Variants in RAB3IP observed in about 807,000 individuals in gnomAD.
The protein encoded by RAB3IP is rab-3A-interacting protein.
A neutral mutation model predicts 59.1 loss-of-function variants in RAB3IP; 36 were observed. The ratio of observed to expected loss-of-function variants is 0.61; its 90% CI spans 0.47 to 0.80. The LOEUF (loss-of-function observed/expected upper bound fraction) is 0.80, where lower values mean the gene tolerates loss of function less well. Among genes scored for constraint, RAB3IP ranks in the 30% least tolerant of loss-of-function variants. The pLI is 0.00. For missense variants in RAB3IP, 511 were observed against 536.0 expected (o/e 0.95, Z 0.46); for synonymous variants, 207 against 191.2 (o/e 1.08, Z -0.68).
chr12:69,789,651 A>G (rs1308278592), intron 4 of RAB3IP, among the ~76,000 whole-genome samples: 1 of 152,154 alleles, frequency 6.6e-6, no homozygotes, highest in African/African-American at 2.4e-5. Context: ...CTATGGGCCA[A>G]TATTCTCAAT....
chr12:69,802,892 A>G (rs1411925008), intron 8 of RAB3IP, among the ~76,000 whole-genome samples: 1 of 152,192 alleles, frequency 6.6e-6, no homozygotes, highest in Non-Finnish European at 1.5e-5. Flanking sequence ...CCCTCAAGCC[A>G]CACGTGTAGC....
chr12:69,804,248 A>C (rs886167998), intron 8 of RAB3IP, among the ~76,000 whole-genome samples: 1 of 152,252 alleles, frequency 6.6e-6, no homozygotes, highest in African/African-American at 2.4e-5. Context: ...TCTGATGGCC[A>C]GTGATGATGA....
In RAB3IP at chr12:69,823,125, TATC is replaced by T. The variant is rs1189608139; in HGVS notation, c.*7682_*7684del. 1.3e-5 allele frequency: 2 copies of T among 152,178 alleles called. No homozygotes were observed. The highest frequency in any genetic ancestry group is 2.9e-5 in the Non-Finnish European group (2 of 68,026). 9.4% of individuals were successfully genotyped at this position (152,178 alleles called of 1,614,324 possible). A position where few individuals can be genotyped will look rare whatever the true frequency, so the allele number is the denominator to read the frequency against. On this transcript the variant is annotated 3_prime_UTR_variant, in exon 11 of 11. Transcript: ENST00000247833. ...TCACTACACATTATATGTATGGAAA[TATC>T]ATTGTGTACCCCATGAATATGGGCA...
chr12:69,782,683 T>A (rs957882538), intron 3 of RAB3IP, among the ~76,000 whole-genome samples: 1 of 152,230 alleles, frequency 6.6e-6, no homozygotes, highest in African/African-American at 2.4e-5. Context: ...TTGCAAATAT[T>A]TTTTTCCCAA....
At chr12:69,805,559 A>T (rs541108867) in intron 8 of RAB3IP, among the ~76,000 whole-genome samples, 4 of 151,680 alleles carry the variant, frequency 2.6e-5, no homozygotes, top group Non-Finnish European at 5.9e-5. Context: ...GAGAGAGGGC[A>T]TCCCTGTCTT....
At chr12:69,786,892 G>A (rs187288478) in intron 4 of RAB3IP, among the ~76,000 whole-genome samples, 9 of 152,202 alleles carry the variant, frequency 5.9e-5, no homozygotes, top group Non-Finnish European at 1.5e-5. Flanking sequence ...TTGACACTGT[G>A]GCTACTTTCT....
At chr12:69,806,005 G>A (rs1161622502) in intron 8 of RAB3IP, among the ~76,000 whole-genome samples, 1 of 152,122 alleles carries the variant, frequency 6.6e-6, no homozygotes, top group East Asian at 1.9e-4. Context: ...GATGATGCTG[G>A]CCTCATAAAA....
rs1443454911 is a variant in RAB3IP at position 69,820,359 on chromosome 12, A to G, written c.*4913A>G. ...ATCTTAAATCTGTCTACCTCCCTCCATGTCCACTGCTACCACTCTGCCCAA... is the reference window on the plus strand; with the variant it reads ...ATCTTAAATCTGTCTACCTCCCTCCGTGTCCACTGCTACCACTCTGCCCAA... On this transcript the variant is annotated 3_prime_UTR_variant, in exon 11 of 11. Transcript: ENST00000247833. 1 of 151,860 alleles carries G rather than the reference A, an allele frequency of 6.6e-6. No individual in the cohort carries two copies. Among genetic ancestry groups the G allele is most frequent in the Non-Finnish European group, 1.5e-5 (1 of 67,996 alleles). The allele number at this position is 151,860 out of a possible 1,614,324, so 9.4% of individuals were successfully genotyped here.
At chr12:69,755,263 C>G (rs1870005807) in intron 1 of RAB3IP, 121 bp from the exon 2 acceptor site, 1 of 931,468 alleles carries the variant, frequency 1.1e-6, no homozygotes, top group Admixed American at 2.9e-5. Flanking sequence ...AAAAAAGCCT[C>G]TTTTATTGTA....
chr12:69,760,669 A>G (rs2136143444), intron 3 of RAB3IP, among the ~76,000 whole-genome samples: 1 of 152,166 alleles, frequency 6.6e-6, no homozygotes, highest in South Asian at 2.1e-4. Flanking sequence ...ATTTTCACTG[A>G]GTAAAGAATT....
rs752051877 is a variant in RAB3IP at position 69,815,473 on chromosome 12, T to A, written c.*27T>A. ...GCTCTGCGTGGGACCATGCCTGAAC[T>A]CCCCGAATAACTGAAAAATGGCTGA... On this transcript the variant is annotated 3_prime_UTR_variant, in exon 11 of 11. Transcript: ENST00000247833. 8.3e-6 allele frequency: 12 copies of A among 1,452,500 alleles called. No homozygotes were observed. Among genetic ancestry groups the A allele is most frequent in the Non-Finnish European group, 1.2e-5 (12 of 1,038,708 alleles). 90.0% of individuals were successfully genotyped at this position (1,452,500 alleles called of 1,614,324 possible). A position where few individuals can be genotyped will look rare whatever the true frequency, so the allele number is the denominator to read the frequency against.
chr12:69,795,135 T>G lies in RAB3IP; in HGVS notation c.685-6T>G. On this transcript the variant is annotated splice_polypyrimidine_tract_variant and splice_region_variant and intron_variant, in intron 5 of 10. Transcript: ENST00000247833. Reference sequence around the variant, plus strand: ...ATGTATGTGACTATGTTGATTTCTTTCCAAGATTGATGTACTTCAAGCTGA... The same window carrying G: ...ATGTATGTGACTATGTTGATTTCTTGCCAAGATTGATGTACTTCAAGCTGA... The G allele has an allele frequency of 6.2e-7, 1 of 1,609,190 alleles. No homozygotes were observed. Among genetic ancestry groups the G allele is most frequent in the Non-Finnish European group, 8.5e-7 (1 of 1,176,220 alleles).
chr12:69,809,866 G>A (rs1275011489), intron 8 of RAB3IP, among the ~76,000 whole-genome samples: 1 of 152,084 alleles, frequency 6.6e-6, no homozygotes, highest in Admixed American at 6.5e-5. Context: ...AGCTCAGAGA[G>A]TTTGATCTTC....
chr12:69,795,869 A>G (rs912381218), intron 6 of RAB3IP: 2 of 155,716 alleles, frequency 1.3e-5, no homozygotes, highest in Non-Finnish European at 2.8e-5. Context: ...GCTAAGTGAA[A>G]TTTCAAGTTA....
chr12:69,796,612 A>G lies in RAB3IP; in HGVS notation c.888+1268A>G, dbSNP rs767628292. On this transcript the variant is annotated intron_variant, in intron 6 of 10. Coordinates refer to ENST00000247833, the MANE Select transcript of RAB3IP (RefSeq NM_022456.5). ...TGTTAACCTGTTTTAATTGAATTGC[A>G]TTTTGACGAATTATCAATAAAAATG... The G allele has an allele frequency of 5.1e-5, 32 of 629,950 alleles. No homozygotes were observed. The South Asian group carries it at 5.5e-4, about 11-fold the overall frequency. The allele number at this position is 629,950 out of a possible 1,614,324, so 39.0% of individuals were successfully genotyped here.
In RAB3IP at chr12:69,759,648, G is replaced by A. The variant is rs1870910255; in HGVS notation, c.510+2985G>A. ...CCCTCCTGGACGGGGCGGCTGGCTG[G>A]GCGGGGGCTGAACCCCCACCTCCCG... is the stretch of plus-strand genomic sequence containing the variant. On this transcript the variant is annotated intron_variant, in intron 3 of 10. Coordinates refer to ENST00000247833, the MANE Select transcript of RAB3IP (RefSeq NM_022456.5). 1.7e-5 allele frequency among the ~76,000 whole-genome samples: 2 copies of A among 118,656 alleles called. 1 individual carries two copies. The highest frequency in any genetic ancestry group is 5.8e-4 in the South Asian group (2 of 3,464). 77.8% of individuals were successfully genotyped at this position (118,656 alleles called of 152,430 possible). A position where few individuals can be genotyped will look rare whatever the true frequency, so the allele number is the denominator to read the frequency against.
chr12:69,792,633 T>G (rs1848095843), intron 4 of RAB3IP, among the ~76,000 whole-genome samples: 1 of 152,214 alleles, frequency 6.6e-6, no homozygotes, highest in Non-Finnish European at 1.5e-5. Flanking sequence ...TTTAAAAAAT[T>G]CTGTAAAAAT....
At chr12:69,763,494 A>G (rs1424455084) in intron 3 of RAB3IP, among the ~76,000 whole-genome samples, 3 of 152,208 alleles carry the variant, frequency 2.0e-5, no homozygotes, top group African/African-American at 7.2e-5. Context: ...ACCTCTTGGT[A>G]GCCATTGCTT....
chr12:69,739,407 T>A (rs908901899), intron 1 of RAB3IP: 9 of 161,272 alleles, frequency 5.6e-5, no homozygotes, highest in Non-Finnish European at 1.2e-4. Context: ...GCGGGTTACC[T>A]GGCGGCGGGC....
Sources: allele counts gnomAD v4.1 joint callset (sites outside exome capture counted in the v4.1 genomes callset), GRCh38; gene constraint gnomAD v4.1.1; transcripts MANE v1.5; gene names NCBI Gene and HGNC (gene_info 2026-07-23, HGNC 2026-07-21).